Variants in NAALAD2 observed in about 807,000 individuals in gnomAD.
NAALAD2 encodes N-acetylated alpha-linked acidic dipeptidase 2, also known as N-acetylated-alpha-linked acidic dipeptidase 2.
NAALAD2 carries 89 observed loss-of-function variants against 95.6 expected under a neutral mutation model. That is an observed-to-expected ratio of 0.93 (90% CI 0.78 to 1.11). NAALAD2 has a LOEUF of 1.11. Among genes scored for constraint, NAALAD2 ranks in the 50% least tolerant of loss-of-function variants. The probability of loss-of-function intolerance (pLI) is 0.00; values close to 1 mark genes in which losing one functional copy is unlikely to be tolerated. For missense variants in NAALAD2, 894 were observed against 872.4 expected (o/e 1.02, Z -0.31); for synonymous variants, 264 against 294.4 (o/e 0.90, Z 1.06).
chr11:90,155,272 T>C (rs1245357760), intron 6 of NAALAD2, among the ~76,000 whole-genome samples: 2 of 122,188 alleles, frequency 1.6e-5, no homozygotes, highest in African/African-American at 3.1e-5. Context: ...ATATAGAATG[T>C]ATATATTATA....
intron 17 of NAALAD2, 91 bp from the exon 18 acceptor site, chr11:90,182,825 A>C (rs1591026940): frequency 5.8e-6 from 5 of 866,978 alleles, no homozygotes; most frequent in Non-Finnish European, 9.2e-6. Context: ...TTTTAGAAAT[A>C]TATTTTCCCA....
intron 6 of NAALAD2, among the ~76,000 whole-genome samples, chr11:90,156,752 A>G (rs1565524905): frequency 1.3e-5 from 2 of 152,044 alleles, no homozygotes; most frequent in Admixed American, 6.6e-5. Context: ...ATGCCCAGCT[A>G]ATTTTTTAAT....
At chr11:90,163,081 A>C in intron 9 of NAALAD2, 47 bp downstream of exon 9, 1 of 1,387,884 alleles carries the variant, frequency 7.2e-7, no homozygotes, top group Non-Finnish European at 9.9e-7. Context: ...CAAAAATTAA[A>C]GGGTAAGTAA....
rs1565521773 is a variant in NAALAD2 at position 90,154,999 on chromosome 11, G to GTATACATAATATA, written c.796+2516_796+2517insATACATAATATAT. ...TTATATACGTATACATAATATGTAT[G>GTATACATAATATA]TGTGTATATATTATATACATATACA... is the stretch of plus-strand genomic sequence containing the variant. On this transcript the variant is annotated intron_variant, in intron 6 of 18. Transcript: ENST00000534061. Among the ~76,000 whole-genome samples the GTATACATAATATA allele has an allele frequency of 1.7e-4, 9 of 53,570 alleles. 3 individuals carry two copies. The highest frequency in any genetic ancestry group is 6.2e-4 in the African/African-American group (7 of 11,312). The allele number at this position is 53,570 out of a possible 152,430, so 35.1% of individuals were successfully genotyped here. A position where few individuals can be genotyped will look rare whatever the true frequency, so the allele number is the denominator to read the frequency against.
At chr11:90,180,476 C>T (rs1202680760) in intron 16 of NAALAD2, among the ~76,000 whole-genome samples, 1 of 152,062 alleles carries the variant, frequency 6.6e-6, no homozygotes, top group Non-Finnish European at 1.5e-5. Flanking sequence ...GAATGTACCA[C>T]TTACTAGCTA....
chr11:90,154,827 A>AAT (rs1294024977), intron 6 of NAALAD2, among the ~76,000 whole-genome samples: 28 of 146,870 alleles, frequency 1.9e-4, no homozygotes, highest in African/African-American at 5.7e-4. Flanking sequence ...TGTAATATGT[A>AAT]ATGTTACATA....
chr11:90,182,216 T>C (rs1472809578), intron 17 of NAALAD2, among the ~76,000 whole-genome samples: 1 of 152,170 alleles, frequency 6.6e-6, no homozygotes, highest in Non-Finnish European at 1.5e-5. Flanking sequence ...ACTTTCACAT[T>C]GAAAATAGTT....
At chr11:90,167,138 C>T (rs11018891) in intron 11 of NAALAD2, among the ~76,000 whole-genome samples, 8,826 of 152,288 alleles carry the variant, frequency 0.058, 641 homozygotes, top group African/African-American at 0.17. Context: ...GAGCCCCTTT[C>T]TGGGCTGGCC....
At position 90,148,989 on chromosome 11, in the gene NAALAD2, AT is replaced by A. The variant is rs760023071; in HGVS notation, c.382-13del. On this transcript the variant is annotated splice_polypyrimidine_tract_variant and intron_variant, in intron 3 of 18. Transcript: ENST00000534061. The stretch of plus-strand genomic sequence containing the variant: ...ATCTGGAATTTTTCTAACTTGACAT[AT>A]TTTAATTCTTGCTAGATTTTCAAAA... 3.3e-6 allele frequency: 5 copies of A among 1,497,062 alleles called. No homozygotes were observed. The highest frequency in any genetic ancestry group is 3.7e-6 in the Non-Finnish European group (4 of 1,087,322). The allele number at this position is 1,497,062 out of a possible 1,614,324, so 92.7% of individuals were successfully genotyped here.
At position 90,181,709 on chromosome 11, in the gene NAALAD2, T is replaced by A; in HGVS notation, c.1940+8T>A. ...ACAAGTTGATCTTAACAAGTAAGTT[T>A]CAAATCCCTTTTTTTTTAAAAAAAA... On this transcript the variant is annotated splice_region_variant and intron_variant, in intron 17 of 18. Coordinates refer to ENST00000534061, the MANE Select transcript of NAALAD2 (RefSeq NM_005467.4). 1 of 1,512,050 alleles carries A rather than the reference T, an allele frequency of 6.6e-7. No individual in the cohort carries two copies. Among genetic ancestry groups the A allele is most frequent in the Non-Finnish European group, 8.9e-7 (1 of 1,118,140 alleles). 93.7% of individuals were successfully genotyped at this position (1,512,050 alleles called of 1,614,324 possible).
chr11:90,142,188 C>T (rs922439266), intron 2 of NAALAD2, among the ~76,000 whole-genome samples: 4 of 151,878 alleles, frequency 2.6e-5, no homozygotes, highest in South Asian at 2.1e-4. Flanking sequence ...TTTAGCTGGT[C>T]GGTAGGGTAA....
Position 90,134,778 on chromosome 11 carries a change from G to A in NAALAD2, c.20G>A (p.Arg7His). MAESRG[R>H]LYLWMCLAAA... Reference sequence around the variant, plus strand: ...GAAGCCATGGCGGAATCCAGGGGCCGTCTGTACCTTTGGATGTGCTTGGCT... The same window carrying A: ...GAAGCCATGGCGGAATCCAGGGGCCATCTGTACCTTTGGATGTGCTTGGCT... The change falls in exon 1 of 19, where the codon CGT becomes CAT. Residue 7 changes from arginine (R) to histidine (H), a missense_variant. Physicochemically the swap from Arg to His is conservative, Grantham distance 29. Transcript: ENST00000534061. 1.2e-6 allele frequency: 2 copies of A among 1,614,084 alleles called. No individual in the cohort carries two copies. Among genetic ancestry groups the A allele is most frequent in the Non-Finnish European group, 1.7e-6 (2 of 1,180,020 alleles).
chr11:90,135,540 G>T lies in NAALAD2; in HGVS notation c.83-19G>T, dbSNP rs146298753. The T allele has an allele frequency of 3.8e-5, 60 of 1,562,560 alleles. No individual in the cohort carries two copies. In the East Asian group the frequency reaches 1.3e-3, roughly 34 times the overall value. ...ATTTTGTGTGTATGTGTGCATGTTT[G>T]TGTATTTTTTTTCCTTAGGCTGGTT... On this transcript the variant is annotated intron_variant, in intron 1 of 18. Transcript: ENST00000534061.
At chr11:90,135,163 A>G (rs956655985) in intron 1 of NAALAD2, 1 of 334,832 alleles carries the variant, frequency 3.0e-6, no homozygotes, top group African/African-American at 2.1e-5. Context: ...CAAAACTTTC[A>G]ACTAATACGG....
At chr11:90,168,596 C>T (rs986059715) in intron 11 of NAALAD2, among the ~76,000 whole-genome samples, 1 of 152,084 alleles carries the variant, frequency 6.6e-6, no homozygotes, top group Non-Finnish European at 1.5e-5. Context: ...AGGGCAGGGC[C>T]CTAGAATATG....
At chr11:90,154,733 C>A (rs925749237) in intron 6 of NAALAD2, among the ~76,000 whole-genome samples, 1 of 150,370 alleles carries the variant, frequency 6.7e-6, no homozygotes, top group Non-Finnish European at 1.5e-5. Context: ...GTAGAATTCT[C>A]CAGGGATCTA....
rs937210689 is a variant in NAALAD2 at position 90,170,113 on chromosome 11, T to C, written c.1387T>C (p.Leu463=). Residue 463 remains leucine, a synonymous_variant, in exon 13 of 19, where the codon TTA becomes CTA. Coordinates refer to ENST00000534061, the MANE Select transcript of NAALAD2 (RefSeq NM_005467.4). The stretch of plus-strand genomic sequence containing the variant: ...TGACTGTACTCCCCTTCTTTACCAA[T>C]TAGTGTATAAACTGACAAAAGAGGT... ...RVDCTPLLYQ[L]VYKLTKEIPS... 6.3e-7 allele frequency: 1 copy of C among 1,593,118 alleles called. No homozygotes were observed. The highest frequency in any genetic ancestry group is 8.6e-7 in the Non-Finnish European group (1 of 1,161,154).
intron 6 of NAALAD2, 106 bp from the exon 7 acceptor site, chr11:90,158,039 T>TA: frequency 1.2e-6 from 1 of 851,688 alleles, no homozygotes; most frequent in East Asian, 2.5e-5. Context: ...AATTTTGGCA[T>TA]AATTGCAAAT....
At chr11:90,170,159 A>G in intron 13 of NAALAD2, 23 bp downstream of exon 13, 3 of 1,399,450 alleles carry the variant, frequency 2.1e-6, no homozygotes, top group African/African-American at 1.4e-5. Flanking sequence ...ATGTGTCTTC[A>G]TATGTTCTCT....
Sources: allele counts gnomAD v4.1 joint callset (sites outside exome capture counted in the v4.1 genomes callset), GRCh38; gene constraint gnomAD v4.1.1; transcripts MANE v1.5; gene names NCBI Gene and HGNC (gene_info 2026-07-23, HGNC 2026-07-21).